MLIP: variants seen among roughly 807,000 people sequenced by gnomAD.
MLIP encodes the protein muscular LMNA interacting protein.
Under a neutral mutation model 84.8 loss-of-function variants are expected in MLIP, and 79 were observed. The observed-to-expected ratio is 0.93, with a 90% CI of 0.78 to 1.12. The LOEUF is 1.12. Among genes scored for constraint, MLIP ranks in the 50% most tolerant of loss-of-function variants. The pLI, the probability that MLIP is intolerant of heterozygous loss-of-function variation, is 0.00. For synonymous variants in MLIP, 504 were observed against 463.0 expected (o/e 1.09, Z -1.14); for missense variants, 1,257 against 1,160.6 (o/e 1.08, Z -1.21).
intron 1 of MLIP, among the ~76,000 whole-genome samples, chr6:54,022,536 A>G (rs936087822): frequency 1.4e-4 from 21 of 152,246 alleles, no homozygotes; most frequent in Non-Finnish European, 2.6e-4. Context: ...GTTTTAAGAA[A>G]TAGGTACTAG....
chr6:54,178,594 A>G (rs1034016685), intron 9 of MLIP, among the ~76,000 whole-genome samples: 4 of 152,080 alleles, frequency 2.6e-5, no homozygotes, highest in African/African-American at 9.7e-5. Flanking sequence ...TCGCATTTCC[A>G]TTATCATTCG....
chr6:54,087,029 G>T (rs13211062), intron 1 of MLIP, among the ~76,000 whole-genome samples: 8,809 of 152,168 alleles, frequency 0.058, 276 homozygotes, highest in South Asian at 0.092. Flanking sequence ...TAAAATAGAG[G>T]TTACATGAGG....
chr6:54,114,433 A>G (rs906348588), intron 1 of MLIP, among the ~76,000 whole-genome samples: 2 of 152,188 alleles, frequency 1.3e-5, no homozygotes, highest in African/African-American at 4.8e-5. Flanking sequence ...CATTTCTTGC[A>G]GTTATTCAGT....
intron 11 of MLIP, among the ~76,000 whole-genome samples, chr6:54,230,427 C>T (rs1266212615): frequency 1.3e-5 from 2 of 152,144 alleles, no homozygotes; most frequent in African/African-American, 4.8e-5. Flanking sequence ...TTACAGATAT[C>T]TCCCCTTAAT....
At chr6:54,227,100 G>C (rs1184748152) in intron 11 of MLIP, among the ~76,000 whole-genome samples, 2 of 152,144 alleles carry the variant, frequency 1.3e-5, no homozygotes, top group Non-Finnish European at 2.9e-5. Context: ...CATGAGATCA[G>C]GTTGTTTAAT....
chr6:54,092,138 T>C (rs1767910952), intron 1 of MLIP, among the ~76,000 whole-genome samples: 1 of 152,166 alleles, frequency 6.6e-6, no homozygotes, highest in South Asian at 2.1e-4. Context: ...ATGCTTGAAG[T>C]GTCTTTCCTG....
chr6:54,185,037 T>G (rs1777254533), intron 9 of MLIP, among the ~76,000 whole-genome samples: 1 of 152,214 alleles, frequency 6.6e-6, no homozygotes, highest in Admixed American at 6.5e-5. Flanking sequence ...GTGATGCAGG[T>G]GTTCAAATGT....
intron 1 of MLIP, among the ~76,000 whole-genome samples, chr6:54,112,365 G>A (rs1481848090): frequency 1.3e-5 from 2 of 152,206 alleles, no homozygotes; most frequent in Non-Finnish European, 2.9e-5. Context: ...CATAGTTGGT[G>A]TAATTTCAAA....
intron 3 of MLIP, among the ~76,000 whole-genome samples, chr6:54,132,825 G>A (rs1771495441): frequency 6.6e-6 from 1 of 152,182 alleles, no homozygotes; most frequent in African/African-American, 2.4e-5. Context: ...CAGTGCAGGG[G>A]AAACCAGCCC....
intron 11 of MLIP, among the ~76,000 whole-genome samples, chr6:54,205,344 C>A (rs1050853523): frequency 5.9e-5 from 9 of 152,276 alleles, no homozygotes; most frequent in African/African-American, 2.2e-4. Flanking sequence ...CTGATCTCAT[C>A]CACCCATGTA....
chr6:54,099,661 C>T (rs1005418523), intron 1 of MLIP: 1 of 152,110 alleles, frequency 6.6e-6, no homozygotes, highest in Non-Finnish European at 1.5e-5. Flanking sequence ...AGAAGTGATT[C>T]TTAAAATGTT....
In MLIP at chr6:54,048,278, G is replaced by T. The variant is rs149138981; in HGVS notation, c.63+29187G>T. Among the ~76,000 whole-genome samples the T allele has an allele frequency of 1.3e-3, 201 of 152,266 alleles. 5 individuals are homozygous for T. In the East Asian group the frequency reaches 0.035, roughly 27 times the overall value. On this transcript the variant is annotated intron_variant, in intron 1 of 12. Transcript: ENST00000274897. ...AGGTTATCAGCATTCATAGTAAAGG[G>T]ATAGAGAAAGGAATGAGTCTCATGA...
At chr6:54,246,466 T>C (rs1202274964) in intron 12 of MLIP, among the ~76,000 whole-genome samples, 2 of 152,140 alleles carry the variant, frequency 1.3e-5, no homozygotes, top group Non-Finnish European at 2.9e-5. Context: ...TTGGTTCATA[T>C]TGGAGAGACA....
intron 5 of MLIP, among the ~76,000 whole-genome samples, chr6:54,158,882 AAT>A (rs952021195): frequency 9.3e-5 from 14 of 150,774 alleles, no homozygotes; most frequent in Non-Finnish European, 1.5e-4. Flanking sequence ...AAAAAAAAAA[AAT>A]TTTCAAAGGG....
intron 12 of MLIP, among the ~76,000 whole-genome samples, chr6:54,253,470 G>C (rs932441141): frequency 9.2e-5 from 14 of 152,034 alleles, no homozygotes; most frequent in Admixed American, 9.2e-4. Flanking sequence ...CACAATTTCG[G>C]GCAGTCCAGA....
At chr6:54,133,505 T>C (rs954641429) in intron 3 of MLIP, among the ~76,000 whole-genome samples, 8 of 152,184 alleles carry the variant, frequency 5.3e-5, no homozygotes, top group African/African-American at 1.7e-4. Flanking sequence ...ACGATCCACA[T>C]CTGGTGCTGT....
intron 1 of MLIP, among the ~76,000 whole-genome samples, chr6:54,055,531 A>G (rs1295355702): frequency 6.6e-6 from 1 of 152,178 alleles, no homozygotes; most frequent in Non-Finnish European, 1.5e-5. Flanking sequence ...GTGTGTTTTC[A>G]TTCAGTCCCT....
At chr6:54,127,290 C>T (rs1771000426) in intron 3 of MLIP, among the ~76,000 whole-genome samples, 2 of 151,890 alleles carry the variant, frequency 1.3e-5, no homozygotes, top group African/African-American at 4.8e-5. Context: ...ATCTTTTTTC[C>T]TCACTGGCTG....
chr6:54,102,655 C>T (rs889872491), intron 1 of MLIP, among the ~76,000 whole-genome samples: 1 of 152,166 alleles, frequency 6.6e-6, no homozygotes, highest in Non-Finnish European at 1.5e-5. Context: ...AGAAATCCCT[C>T]CTGTCCTCTC....
Sources: gnomAD v4.1 joint callset for allele counts (sites outside exome capture counted in the v4.1 genomes callset) on GRCh38, gnomAD v4.1.1 for gene constraint, MANE v1.5 for transcripts, NCBI Gene and HGNC (gene_info 2026-07-23, HGNC 2026-07-21) for gene names.